SGCE: variants seen among roughly 807,000 people sequenced by gnomAD.
The protein encoded by SGCE is epsilon-sarcoglycan.
Under a neutral mutation model 57.8 loss-of-function variants are expected in SGCE, and 26 were observed. The observed-to-expected ratio is 0.45, with a 90% CI of 0.33 to 0.62. The LOEUF is 0.62. SGCE is among the 20% of genes least tolerant of loss of function. SGCE has a pLI of 0.02. For synonymous variants in SGCE, 183 were observed against 189.5 expected, an observed-to-expected ratio of 0.97 and a Z score of 0.28; for missense variants, 468 against 548.6, an observed-to-expected ratio of 0.85 and a Z score of 1.47.
intron 5 of SGCE, chr7:94,618,546 A>G (rs1238821428): frequency 1.5e-5 from 8 of 539,700 alleles, no homozygotes; most frequent in Non-Finnish European, 2.6e-5. Flanking sequence ...ATCTACAATT[A>G]GATTTCACAG....
Position 94,634,528 on chromosome 7 carries a change from G to A in SGCE, c.110-4687C>T, listed in dbSNP as rs141929825. On this transcript the variant is annotated intron_variant, in intron 1 of 10. Transcript: ENST00000648936. ...CATTGCTATCAGTATGTTTCCCATA[G>A]CAGCTTCTCTATCCCCTCTAATTTG... Among the ~76,000 whole-genome samples, 333 of 152,238 alleles carry A rather than the reference G, an allele frequency of 2.2e-3. 1 individual carries two copies. The highest frequency in any genetic ancestry group is 6.8e-3 in the Middle Eastern group (2 of 294).
chr7:94,599,068 A>G (rs1798834087), intron 8 of SGCE, 105 bp from the exon 9 acceptor site: 2 of 812,418 alleles, frequency 2.5e-6, no homozygotes, highest in South Asian at 3.4e-5. Context: ...TTAAAATAAT[A>G]AGACATTATG....
At chr7:94,603,593 AAAC>A in intron 5 of SGCE, 141 bp from the exon 6 acceptor site, 2 of 734,018 alleles carry the variant, frequency 2.7e-6, no homozygotes, top group South Asian at 3.4e-5. Flanking sequence ...TCGGCTCTAA[AAAC>A]AATGATTCAT....
At chr7:94,601,443 C>CAAAAAAAAAAAAAAAAAAAAAAA (rs71123905) in intron 6 of SGCE, among the ~76,000 whole-genome samples, 2 of 89,354 alleles carry the variant, frequency 2.2e-5, no homozygotes, top group African/African-American at 5.8e-5. Context: ...ATCCCAGTAT[C>CAAAAAAAAAAAAAAAAAAAAAAA]AAAAAAAAAA....
At chr7:94,654,516 A>G (rs2117123320) in intron 1 of SGCE, among the ~76,000 whole-genome samples, 1 of 152,340 alleles carries the variant, frequency 6.6e-6, no homozygotes, top group East Asian at 1.9e-4. Flanking sequence ...TGAACATCCT[A>G]AAGATTAAAT....
chr7:94,603,521 AAAAGCAGGAT>A, intron 5 of SGCE, 69 bp from the exon 6 acceptor site: 1 of 1,453,832 alleles, frequency 6.9e-7, no homozygotes, highest in Non-Finnish European at 9.6e-7. Context: ...AATCCACCTT[AAAAGCAGGAT>A]TTAGCCTTTT....
intron 9 of SGCE, chr7:94,598,465 G>A (rs1470552167): frequency 3.1e-6 from 1 of 319,768 alleles, no homozygotes; most frequent in Admixed American, 4.6e-5. Context: ...TTAGGATATG[G>A]TTCTTTTTTT....
intron 3 of SGCE, chr7:94,626,492 A>G (rs976761190): frequency 2.0e-5 from 3 of 152,004 alleles, no homozygotes; most frequent in African/African-American, 4.8e-5. Context: ...TTTTGTTGCT[A>G]TTAACAATGG....
intron 1 of SGCE, among the ~76,000 whole-genome samples, chr7:94,632,809 A>G (rs1804916656): frequency 6.6e-6 from 1 of 152,052 alleles, no homozygotes; most frequent in Non-Finnish European, 1.5e-5. Context: ...CAAAAACAAC[A>G]AATGACACAG....
At chr7:94,608,358 G>C (rs961718065) in intron 5 of SGCE, among the ~76,000 whole-genome samples, 3 of 151,988 alleles carry the variant, frequency 2.0e-5, no homozygotes, top group African/African-American at 7.2e-5. Flanking sequence ...ATAAATATAA[G>C]TCTAATAAAA....
intron 1 of SGCE, among the ~76,000 whole-genome samples, 164 bp downstream of exon 1, chr7:94,655,826 A>T (rs1420628059): frequency 6.7e-6 from 1 of 149,544 alleles, no homozygotes; most frequent in Non-Finnish European, 1.5e-5. Context: ...TGGGCCGGGG[A>T]AATGGGGTAC....
At position 94,587,842 on chromosome 7, in the gene SGCE, G is replaced by A. The variant is rs368441467; in HGVS notation, c.1297+847C>T. The A allele has an allele frequency of 2.0e-6, 3 of 1,528,462 alleles. No homozygotes were observed. The East Asian group carries it at 7.6e-5, about 39-fold the overall frequency. The allele number at this position is 1,528,462 out of a possible 1,614,324, so 94.7% of individuals were successfully genotyped here. On this transcript the variant is annotated intron_variant, in intron 10 of 10. Coordinates refer to ENST00000648936, the MANE Select transcript of SGCE (RefSeq NM_003919.3). ...AATTCACGAAAGCAGTAATAGAGAA[G>A]ATAATTTCTGAATGAAAACATCCAA...
chr7:94,601,509 ACATTAATTGAGCTG>A (rs529766748), intron 6 of SGCE, among the ~76,000 whole-genome samples: 144 of 147,414 alleles, frequency 9.8e-4, no homozygotes, highest in African/African-American at 3.5e-3. Flanking sequence ...ATTTACCTCC[ACATTAATTGAGCTG>A]CTTTCACTGA....
At position 94,598,939 on chromosome 7, in the gene SGCE, A is replaced by G; in HGVS notation, c.1089T>C (p.Ala363=). ...TPDIQLVHHS[A]IQKSTKELRD... Reference sequence around the variant, plus strand: ...GAAGCTCCTTGGTAGATTTCTGAATAGCACTGTGATGGACCAGTTGGATGC... The same window carrying G: ...GAAGCTCCTTGGTAGATTTCTGAATGGCACTGTGATGGACCAGTTGGATGC... The change falls in exon 9 of 11, where the codon GCT becomes GCC. Residue 363 remains alanine, a synonymous_variant. Transcript: ENST00000648936. The G allele has an allele frequency of 1.8e-5, 29 of 1,613,898 alleles. No individual in the cohort carries two copies. The highest frequency in any genetic ancestry group is 2.4e-5 in the Non-Finnish European group (28 of 1,179,830).
intron 10 of SGCE, chr7:94,587,516 C>A (rs2116554087): frequency 7.7e-7 from 1 of 1,294,758 alleles, no homozygotes; most frequent in Non-Finnish European, 9.7e-7. Flanking sequence ...AGAAATTTTC[C>A]TTTTAAAAAA....
Position 94,617,001 on chromosome 7 carries a change from C to T in SGCE, c.662+1757G>A, listed in dbSNP as rs919025309. 5.9e-5 allele frequency: 9 copies of T among 152,304 alleles called. 1 individual carries two copies. The highest frequency in any genetic ancestry group is 3.9e-4 in the Admixed American group (6 of 15,290). 9.4% of individuals were successfully genotyped at this position (152,304 alleles called of 1,614,324 possible). A position where few individuals can be genotyped will look rare whatever the true frequency, so the allele number is the denominator to read the frequency against. On this transcript the variant is annotated intron_variant, in intron 5 of 10. Coordinates refer to ENST00000648936, the MANE Select transcript of SGCE (RefSeq NM_003919.3). ...GGGACTGATTCTCTCAAATATCTGACGGCATGTGCCACCCTCTAGCAGGTG... is the reference window on the plus strand; with the variant it reads ...GGGACTGATTCTCTCAAATATCTGATGGCATGTGCCACCCTCTAGCAGGTG...
At chr7:94,616,448 A>T (rs1035906817) in intron 5 of SGCE, among the ~76,000 whole-genome samples, 1 of 152,206 alleles carries the variant, frequency 6.6e-6, no homozygotes, top group Admixed American at 6.5e-5. Flanking sequence ...ATATATTTTT[A>T]AACAAAAATT....
At position 94,636,753 on chromosome 7, in the gene SGCE, C is replaced by A. The variant is rs147119498; in HGVS notation, c.110-6912G>T. 8.5e-5 allele frequency among the ~76,000 whole-genome samples: 13 copies of A among 152,270 alleles called. No individual in the cohort carries two copies. In the East Asian group the frequency reaches 2.3e-3, roughly 27 times the overall value. On this transcript the variant is annotated intron_variant, in intron 1 of 10. Transcript: ENST00000648936. ...TATTTACAGAAGAAGTACCATCCTA[C>A]CGCTTTAGCTAAGAATTGGAATATT...
intron 3 of SGCE, chr7:94,625,101 G>A (rs1264291771): frequency 2.0e-5 from 3 of 151,818 alleles, no homozygotes; most frequent in African/African-American, 7.3e-5. Context: ...GAGTGTCTAC[G>A]TGTGCATACT....
Sources: allele counts gnomAD v4.1 joint callset (sites outside exome capture counted in the v4.1 genomes callset), GRCh38; gene constraint gnomAD v4.1.1; transcripts MANE v1.5; gene names NCBI Gene and HGNC (gene_info 2026-07-23, HGNC 2026-07-21).